The following RGPD4 variants were observed in gnomAD, a reference collection of about 807,000 sequenced individuals.
RGPD4 encodes the protein ranBP2-like and GRIP domain-containing protein 4.
RGPD4 carries 84 observed loss-of-function variants against 141.1 expected under a neutral mutation model. The observed-to-expected ratio is 0.60, with a 90% CI of 0.50 to 0.71. RGPD4 has a LOEUF of 0.71. Among genes scored for constraint, RGPD4 ranks in the 30% least tolerant of loss-of-function variants. RGPD4 has a pLI of 0.00. For missense variants in RGPD4, 918 were observed against 1,622.4 expected (o/e 0.57, Z 7.46); for synonymous variants, 298 against 566.8 (o/e 0.53, Z 6.74).
In RGPD4 at chr2:107,871,277, G is replaced by A. The variant is rs1352529943; in HGVS notation, c.3273G>A (p.Glu1091=). Residue 1091 remains glutamate, a synonymous_variant, in exon 20 of 23, where the codon GAG becomes GAA. Transcript: ENST00000408999. The stretch of plus-strand genomic sequence containing the variant: ...GGAACTTAAAAATTCTCAAAAACGA[G>A]GTCAATGGCAAACCAAGAATGCTGA... ...GLGNLKILKN[E]VNGKPRMLMR... 3 of 1,607,206 alleles carry A rather than the reference G, an allele frequency of 1.9e-6. No homozygotes were observed. Among genetic ancestry groups the A allele is most frequent in the Non-Finnish European group, 2.5e-6 (3 of 1,179,286 alleles).
In RGPD4 at chr2:107,859,733, C is replaced by T. The variant is rs761751265; in HGVS notation, c.1646C>T (p.Ser549Leu). The T allele has an allele frequency of 2.3e-5, 37 of 1,610,986 alleles. No individual in the cohort carries two copies. Among genetic ancestry groups the T allele is most frequent in the Non-Finnish European group, 2.9e-5 (34 of 1,179,808 alleles). The change falls in exon 12 of 23, where the codon TCA becomes TTA. Residue 549 changes from serine (S) to leucine (L), a missense_variant. Ser to Leu is a moderately radical substitution (Grantham distance 145). Coordinates refer to ENST00000408999, the MANE Select transcript of RGPD4 (RefSeq NM_182588.3). ...GAACTATTTTTTAGACCTGGAAACT[C>T]AGCAAAATTGAGACTTTTAGTTCAG... ...LIHRKAVPGN[S>L]AKLRLLVQHE...
intron 6 of RGPD4, among the ~76,000 whole-genome samples, chr2:107,844,852 T>TTTTTC: frequency 8.7e-6 from 1 of 115,086 alleles, no homozygotes; most frequent in African/African-American, 3.4e-5. Flanking sequence ...TTTTTTTTTT[T>TTTTTC]TTGAGAGGGA....
chr2:107,877,915 G>T (rs1683136122), intron 20 of RGPD4, among the ~76,000 whole-genome samples: 1 of 151,706 alleles, frequency 6.6e-6, no homozygotes, highest in South Asian at 2.1e-4. Context: ...CTGGCTTCCA[G>T]CAATTCTCTG....
intron 22 of RGPD4, among the ~76,000 whole-genome samples, chr2:107,886,592 G>A (rs1675519018): frequency 6.6e-6 from 1 of 151,538 alleles, no homozygotes; most frequent in African/African-American, 2.4e-5. Flanking sequence ...GGTCTAAGAT[G>A]CCAGAAAGAA....
At chr2:107,853,741 G>GT (rs1682195478) in intron 7 of RGPD4, among the ~76,000 whole-genome samples, 2 of 38,192 alleles carry the variant, frequency 5.2e-5, no homozygotes, top group African/African-American at 9.8e-5. Flanking sequence ...CTCTGTGTAT[G>GT]CTTTTTTTTT....
At position 107,875,623 on chromosome 2, in the gene RGPD4, C is replaced by T. The variant is rs564371570; in HGVS notation, c.4924+2695C>T. ...AGTTTTTTCTGTTTCTAATTTTTTG[C>T]GCTTTGCATTAATGGTGGCTGGGGA... On this transcript the variant is annotated intron_variant, in intron 20 of 22. Coordinates refer to ENST00000408999, the MANE Select transcript of RGPD4 (RefSeq NM_182588.3). Among the ~76,000 whole-genome samples the T allele has an allele frequency of 8.0e-4, 116 of 144,980 alleles. 6 individuals carry two copies. Among genetic ancestry groups the T allele is most frequent in the South Asian group, 4.8e-3 (21 of 4,362 alleles).
At position 107,845,036 on chromosome 2, in the gene RGPD4, T is replaced by C. The variant is rs542690274; in HGVS notation, c.782+1306T>C. On this transcript the variant is annotated intron_variant, in intron 6 of 22. Coordinates refer to ENST00000408999, the MANE Select transcript of RGPD4 (RefSeq NM_182588.3). ...TTTTTAGTAGAGACGGGGTTCAGGA[T>C]GGTCTCAATCTCTCTTTTTTTTTTT... 3.0e-4 allele frequency among the ~76,000 whole-genome samples: 43 copies of C among 143,438 alleles called. 1 individual carries two copies. The highest frequency in any genetic ancestry group is 1.1e-3 in the African/African-American group (43 of 37,676). 94.1% of individuals were successfully genotyped at this position (143,438 alleles called of 152,430 possible).
rs776552266 is a variant in RGPD4 at position 107,872,187 on chromosome 2, A to G, written c.4183A>G (p.Ile1395Val). Residue 1395 changes from isoleucine (I) to valine (V), a missense_variant, in exon 20 of 23, where the codon ATA becomes GTA. Coordinates refer to ENST00000408999, the MANE Select transcript of RGPD4 (RefSeq NM_182588.3). The stretch of plus-strand genomic sequence containing the variant: ...GAATTATGATAATAAGCAAGTTCGT[A>G]TAGTGATGAGAAGGGACCAAGTATT... Reference protein sequence around the residue: ...LQNYDNKQVRIVMRRDQVLKL... With the variant: ...LQNYDNKQVRVVMRRDQVLKL... 9 of 1,611,550 alleles carry G rather than the reference A, an allele frequency of 5.6e-6. No homozygotes were observed. Among genetic ancestry groups the G allele is most frequent in the South Asian group, 1.1e-5 (1 of 90,996 alleles).
chr2:107,845,319 A>G (rs1254247970), intron 6 of RGPD4, among the ~76,000 whole-genome samples: 1 of 128,490 alleles, frequency 7.8e-6, no homozygotes, highest in African/African-American at 3.2e-5. Flanking sequence ...GCTCACTGCA[A>G]GCTTCACAAT....
At chr2:107,888,688 A>G (rs887227613) in intron 22 of RGPD4, among the ~76,000 whole-genome samples, 10 of 115,620 alleles carry the variant, frequency 8.6e-5, no homozygotes, top group African/African-American at 1.5e-4. Context: ...TGTGGCTTCT[A>G]TCTTGCTAGT....
At position 107,859,478 on chromosome 2, in the gene RGPD4, G is replaced by C; in HGVS notation, c.1558G>C (p.Val520Leu). ...SYQPLCLPLP[V>L]CKQLCTERQK... is the part of the protein sequence containing the mutation. ...TCAGCCGTTATGCCTGCCCCTTCCT[G>C]TATGTAAACAGCTTTGTACAGAAAG... Residue 520 changes from valine (V) to leucine (L), a missense_variant, in exon 11 of 23, where the codon GTA (valine) becomes CTA (leucine). By Grantham distance (32) the Val-to-Leu change is conservative (BLOSUM62 1). Coordinates refer to ENST00000408999, the MANE Select transcript of RGPD4 (RefSeq NM_182588.3). The C allele has an allele frequency of 6.2e-7, 1 of 1,611,262 alleles. No homozygotes were observed. The highest frequency in any genetic ancestry group is 2.2e-5 in the East Asian group (1 of 44,858).
Position 107,831,013 on chromosome 2 carries a change from A to G in RGPD4, c.72+3928A>G, listed in dbSNP as rs1230342721. 2.0e-5 allele frequency among the ~76,000 whole-genome samples: 3 copies of G among 150,998 alleles called. No homozygotes were observed. The East Asian group carries it at 5.8e-4, about 29-fold the overall frequency. ...ACCAATATGGTGAAAATCCATCTCT[A>G]TTAAAAATACAAAAATGAGCCGGGC... On this transcript the variant is annotated intron_variant, in intron 1 of 22. Transcript: ENST00000408999.
At chr2:107,884,989 A>T (rs1235164338) in intron 22 of RGPD4, among the ~76,000 whole-genome samples, 1 of 151,740 alleles carries the variant, frequency 6.6e-6, no homozygotes, top group African/African-American at 2.4e-5. Flanking sequence ...CTGGTTTTTT[A>T]TAATCTTTCT....
rs1682853130 is a variant in RGPD4, at chr2:107,870,069, TA to T, written c.2700+96del. 9 of 535,010 alleles carry T rather than the reference TA, an allele frequency of 1.7e-5. No individual in the cohort carries two copies. In the Admixed American group the frequency reaches 3.1e-4, roughly 18 times the overall value. The allele number at this position is 535,010 out of a possible 1,614,324, so 33.1% of individuals were successfully genotyped here. ...TAAATTCAAGAGAGCAGTTCACTAT[TA>T]AAACTTTTATGTCCCTTAAAATGTA... On this transcript the variant is annotated intron_variant, in intron 19 of 22. Coordinates refer to ENST00000408999, the MANE Select transcript of RGPD4 (RefSeq NM_182588.3).
intron 9 of RGPD4, among the ~76,000 whole-genome samples, chr2:107,857,697 A>C (rs1682374277): frequency 6.6e-6 from 1 of 151,672 alleles, no homozygotes; most frequent in Non-Finnish European, 1.5e-5. Context: ...AGCCCCCCAA[A>C]GTGTTGGGAT....
intron 22 of RGPD4, among the ~76,000 whole-genome samples, chr2:107,890,247 G>A (rs11888309): frequency 3.1e-5 from 2 of 63,544 alleles, no homozygotes; most frequent in African/African-American, 9.0e-5. Context: ...TTAGTAAGCA[G>A]TGTGTCTAAA....
intron 22 of RGPD4, among the ~76,000 whole-genome samples, chr2:107,885,988 G>A (rs893888870): frequency 1.3e-5 from 2 of 151,230 alleles, no homozygotes; most frequent in East Asian, 2.0e-4. Flanking sequence ...AGGAGGCAGA[G>A]GTTGCAGTGA....
At position 107,859,430 on chromosome 2, in the gene RGPD4, T is replaced by A. The variant is rs751301766; in HGVS notation, c.1510T>A (p.Cys504Ser). The change falls in exon 11 of 23, where the codon TGT becomes AGT. Residue 504 changes from cysteine to serine, a missense_variant. Transcript: ENST00000408999. ...CAGCCACTTACAATTAAAGGAGAAA[T>A]GTAATTCTCACCACAGCTCCTATCA... is the stretch of plus-strand genomic sequence containing the variant. ...YTSHLQLKEKCNSHHSSYQPL... is the reference protein window; with the variant it reads ...YTSHLQLKEKSNSHHSSYQPL... 1.9e-6 allele frequency: 3 copies of A among 1,610,786 alleles called. No homozygotes were observed. The highest frequency in any genetic ancestry group is 2.5e-6 in the Non-Finnish European group (3 of 1,179,844).
At chr2:107,884,881 C>T (rs1675467159) in intron 22 of RGPD4, among the ~76,000 whole-genome samples, 1 of 151,996 alleles carries the variant, frequency 6.6e-6, no homozygotes, top group African/African-American at 2.4e-5. Flanking sequence ...GTCTGGGGCC[C>T]ATACCTTGAA....
Sources: gnomAD v4.1 joint callset for allele counts (sites outside exome capture counted in the v4.1 genomes callset) on GRCh38, gnomAD v4.1.1 for gene constraint, MANE v1.5 for transcripts, NCBI Gene and HGNC (gene_info 2026-07-23, HGNC 2026-07-21) for gene names.